Variants in FERMT2 observed in about 807,000 individuals in gnomAD.
FERMT2 encodes the protein fermitin family homolog 2.
In FERMT2, 15 loss-of-function variants were observed where a neutral mutation model predicts 82.7. That is an observed-to-expected ratio of 0.18 (90% CI 0.12 to 0.28). The LOEUF (loss-of-function observed/expected upper bound fraction) is 0.28. Among genes scored for constraint, FERMT2 ranks in the 10% least tolerant of loss-of-function variants. The pLI, the probability that FERMT2 is intolerant of heterozygous loss-of-function variation, is 1.00. For missense variants in FERMT2, 645 were observed against 809.4 expected (o/e 0.80, Z 2.46); for synonymous variants, 274 against 271.5 (o/e 1.01, Z -0.09).
chr14:52,945,397 G>A (rs148507323), intron 2 of FERMT2, among the ~76,000 whole-genome samples: 3 of 151,780 alleles, frequency 2.0e-5, no homozygotes, highest in South Asian at 2.1e-4. Context: ...ACAGGCGCCC[G>A]CTACCATGCC....
intron 4 of FERMT2, among the ~76,000 whole-genome samples, chr14:52,886,122 A>G (rs2139516131): frequency 6.6e-6 from 1 of 152,312 alleles, no homozygotes; most frequent in South Asian, 2.1e-4. Flanking sequence ...CAACTATCCT[A>G]GTATTAGGGA....
chr14:52,881,189 T>C (rs1886274444), intron 5 of FERMT2, 51 bp from the exon 6 acceptor site: 1 of 1,594,514 alleles, frequency 6.3e-7, no homozygotes, highest in Non-Finnish European at 8.6e-7. Flanking sequence ...GAAGACAATA[T>C]TTCTACCTCT....
intron 3 of FERMT2, among the ~76,000 whole-genome samples, chr14:52,896,035 T>C (rs546656951): frequency 3.0e-4 from 46 of 152,306 alleles, no homozygotes; most frequent in African/African-American, 1.1e-3. Context: ...ATTATAGGCG[T>C]GAGCCACTGC....
chr14:52,880,677 G>A (rs568023294), intron 6 of FERMT2, among the ~76,000 whole-genome samples: 3 of 152,154 alleles, frequency 2.0e-5, no homozygotes, highest in Admixed American at 6.6e-5. Flanking sequence ...GATTACAGGC[G>A]TTGAGCCACT....
At chr14:52,864,710 A>G in intron 11 of FERMT2, 37 bp downstream of exon 11, 1 of 1,577,288 alleles carries the variant, frequency 6.3e-7, no homozygotes, top group East Asian at 2.2e-5. Context: ...CAACTCATTT[A>G]AGAAAATTGA....
chr14:52,907,859 T>C (rs1888106504), intron 3 of FERMT2, among the ~76,000 whole-genome samples: 1 of 151,772 alleles, frequency 6.6e-6, no homozygotes, highest in Non-Finnish European at 1.5e-5. Context: ...AGTTCATAAA[T>C]TGGTCTTCAC....
chr14:52,906,119 G>T (rs576874671), intron 3 of FERMT2, among the ~76,000 whole-genome samples: 2 of 152,302 alleles, frequency 1.3e-5, no homozygotes, highest in East Asian at 3.9e-4. Context: ...CATGGGGCCT[G>T]GTCTTGCAGA....
chr14:52,888,777 T>C (rs1439556478), intron 4 of FERMT2, among the ~76,000 whole-genome samples: 1 of 152,208 alleles, frequency 6.6e-6, no homozygotes, highest in Non-Finnish European at 1.5e-5. Flanking sequence ...TTATCGCTTC[T>C]AATATTGATA....
At chr14:52,939,233 C>G (rs1327557109) in intron 2 of FERMT2, among the ~76,000 whole-genome samples, 1 of 146,954 alleles carries the variant, frequency 6.8e-6, no homozygotes, top group Non-Finnish European at 1.5e-5. Context: ...AATAGCAGGG[C>G]ATGGTGGTGC....
At chr14:52,860,619 G>A (rs1884870119) in intron 12 of FERMT2, 154 bp from the exon 13 acceptor site, 1 of 641,448 alleles carries the variant, frequency 1.6e-6, no homozygotes, top group African/African-American at 1.8e-5. Flanking sequence ...TTTGGACACT[G>A]TAATAATGTA....
intron 2 of FERMT2, among the ~76,000 whole-genome samples, chr14:52,924,546 T>C (rs1055235983): frequency 6.6e-6 from 1 of 152,172 alleles, no homozygotes; most frequent in African/African-American, 2.4e-5. Flanking sequence ...TCATTACTGA[T>C]AATTTTGAAG....
At chr14:52,927,803 C>T (rs2139665165) in intron 2 of FERMT2, among the ~76,000 whole-genome samples, 1 of 151,986 alleles carries the variant, frequency 6.6e-6, no homozygotes, top group African/African-American at 2.4e-5. Context: ...CCAGATTTGA[C>T]TTGGGCCTTC....
chr14:52,943,039 C>A (rs1353895393), intron 2 of FERMT2, among the ~76,000 whole-genome samples: 1 of 151,818 alleles, frequency 6.6e-6, no homozygotes, highest in African/African-American at 2.4e-5. Flanking sequence ...ATGGTGAAAT[C>A]CCATCTCTAT....
chr14:52,874,151 T>C (rs748071627), intron 9 of FERMT2, 26 bp downstream of exon 9: 4 of 1,483,904 alleles, frequency 2.7e-6, no homozygotes, highest in African/African-American at 1.4e-5. Flanking sequence ...TTATTAATAT[T>C]TGGCATCCCT....
chr14:52,919,437 T>C (rs941137780), intron 2 of FERMT2, 81 bp from the exon 3 acceptor site: 25 of 970,290 alleles, frequency 2.6e-5, no homozygotes, highest in East Asian at 1.0e-4. Flanking sequence ...AACTAGATAA[T>C]TGGGTATTTA....
intron 7 of FERMT2, among the ~76,000 whole-genome samples, chr14:52,877,319 T>C (rs1386840093): frequency 6.6e-6 from 1 of 152,090 alleles, no homozygotes; most frequent in Non-Finnish European, 1.5e-5. Context: ...TGTATCAAAG[T>C]GAGGAGGATG....
chr14:52,949,129 G>A (rs893069692), intron 2 of FERMT2, among the ~76,000 whole-genome samples: 1 of 152,066 alleles, frequency 6.6e-6, no homozygotes, highest in Non-Finnish European at 1.5e-5. Context: ...GTATCTCAGG[G>A]AGCCAAACAA....
chr14:52,883,006 T>C (rs952938638), intron 4 of FERMT2, among the ~76,000 whole-genome samples: 5 of 152,108 alleles, frequency 3.3e-5, no homozygotes, highest in Non-Finnish European at 7.4e-5. Context: ...GAGATCAGCC[T>C]GGCCAACATG....
chr14:52,950,521 C>T lies in FERMT2; in HGVS notation c.48G>A (p.Gly16=). 6.2e-7 allele frequency: 1 copy of T among 1,614,176 alleles called. No homozygotes were observed. The highest frequency in any genetic ancestry group is 2.2e-5 in the East Asian group (1 of 44,880). Residue 16 remains glycine (G), a synonymous_variant, in exon 2 of 15, where the codon GGG becomes GGA. Coordinates refer to ENST00000341590, the MANE Select transcript of FERMT2 (RefSeq NM_006832.3). ...IRMPDGCYAD[G]TWELSVHVTD... Reference sequence around the variant, plus strand: ...TCACATGGACACTCAGTTCCCACGTCCCGTCCGCGTAGCAGCCATCTGGCA... The same window carrying T: ...TCACATGGACACTCAGTTCCCACGTTCCGTCCGCGTAGCAGCCATCTGGCA...
Sources: gnomAD v4.1 joint callset for allele counts (sites outside exome capture counted in the v4.1 genomes callset) on GRCh38, gnomAD v4.1.1 for gene constraint, MANE v1.5 for transcripts, NCBI Gene and HGNC (gene_info 2026-07-23, HGNC 2026-07-21) for gene names.